HS6ST3: variants seen among roughly 807,000 people sequenced by gnomAD.
HS6ST3 encodes heparan sulfate 6-O-sulfotransferase 3.
In HS6ST3, 12 loss-of-function variants were observed where a neutral mutation model predicts 36.7. The observed-to-expected ratio is 0.33, with a 90% CI of 0.21 to 0.53. The LOEUF (loss-of-function observed/expected upper bound fraction) is 0.53, where lower values mean the gene tolerates loss of function less well. Among genes scored for constraint, HS6ST3 ranks in the 20% least tolerant of loss-of-function variants. HS6ST3 has a pLI of 0.95. For missense variants in HS6ST3, 584 were observed against 640.9 expected (o/e 0.91, Z 0.96); for synonymous variants, 240 against 257.5 (o/e 0.93, Z 0.65).
intron 1 of HS6ST3, among the ~76,000 whole-genome samples, chr13:96,219,944 A>C: frequency 6.6e-6 from 1 of 152,154 alleles, no homozygotes; most frequent in Non-Finnish European, 1.5e-5. Flanking sequence ...GGCCTCCCAA[A>C]GTGTTGGGAT....
chr13:96,677,832 G>T (rs2056704400), intron 1 of HS6ST3, among the ~76,000 whole-genome samples: 1 of 152,168 alleles, frequency 6.6e-6, no homozygotes, highest in East Asian at 1.9e-4. Context: ...AGCGAATATT[G>T]TACTTGGCTA....
chr13:96,749,276 G>T (rs929794368), intron 1 of HS6ST3, among the ~76,000 whole-genome samples: 1 of 151,950 alleles, frequency 6.6e-6, no homozygotes, highest in Non-Finnish European at 1.5e-5. Context: ...GATAAGTCAA[G>T]ATATTTTTCA....
intron 1 of HS6ST3, among the ~76,000 whole-genome samples, chr13:96,532,870 A>G (rs990205844): frequency 6.6e-6 from 1 of 152,156 alleles, no homozygotes; most frequent in African/African-American, 2.4e-5. Context: ...TACTTAAACC[A>G]CTGATGGAAC....
At chr13:96,565,571 T>A (rs910540448) in intron 1 of HS6ST3, among the ~76,000 whole-genome samples, 3 of 152,106 alleles carry the variant, frequency 2.0e-5, no homozygotes, top group Non-Finnish European at 2.9e-5. Flanking sequence ...GATGGGACAC[T>A]AAAAGGGAAT....
chr13:96,659,183 G>C (rs765573488), intron 1 of HS6ST3, among the ~76,000 whole-genome samples: 1 of 152,154 alleles, frequency 6.6e-6, no homozygotes, highest in Non-Finnish European at 1.5e-5. Context: ...CCAACAAGTG[G>C]CATTGTCAGC....
intron 1 of HS6ST3, among the ~76,000 whole-genome samples, chr13:96,431,225 A>AAACAACAACAAC: frequency 1.3e-5 from 2 of 150,434 alleles, no homozygotes; most frequent in African/African-American, 4.9e-5. Context: ...ACAAACAAAC[A>AAACAACAACAAC]AACAACAACA....
chr13:96,633,239 A>C (rs79910993), intron 1 of HS6ST3, among the ~76,000 whole-genome samples: 1 of 152,216 alleles, frequency 6.6e-6, no homozygotes, highest in Non-Finnish European at 1.5e-5. Flanking sequence ...TGCATAAAAC[A>C]CAATGGGGAA....
chr13:96,103,185 C>G (rs911618039), intron 1 of HS6ST3, among the ~76,000 whole-genome samples: 2 of 152,056 alleles, frequency 1.3e-5, no homozygotes, highest in African/African-American at 4.8e-5. Flanking sequence ...AAATCTGAGA[C>G]CTTTTTAAAA....
chr13:96,576,806 T>C (rs1278523411), intron 1 of HS6ST3, among the ~76,000 whole-genome samples: 1 of 151,808 alleles, frequency 6.6e-6, no homozygotes, highest in Non-Finnish European at 1.5e-5. Flanking sequence ...TAGCCAGGCA[T>C]GGTGACATGC....
intron 1 of HS6ST3, among the ~76,000 whole-genome samples, chr13:96,676,063 C>A (rs751486083): frequency 1.3e-5 from 2 of 152,156 alleles, no homozygotes; most frequent in Non-Finnish European, 2.9e-5. Flanking sequence ...CAGCCCAGAA[C>A]TGCTTCTTGG....
At chr13:96,788,077 A>G (rs1877695550) in intron 1 of HS6ST3, among the ~76,000 whole-genome samples, 1 of 151,760 alleles carries the variant, frequency 6.6e-6, no homozygotes, top group Admixed American at 6.6e-5. Flanking sequence ...GTGCAGATCT[A>G]TTTCTGGGTT....
At chr13:96,460,194 C>T (rs566955272) in intron 1 of HS6ST3, among the ~76,000 whole-genome samples, 1 of 152,120 alleles carries the variant, frequency 6.6e-6, no homozygotes, top group Non-Finnish European at 1.5e-5. Context: ...TTTCTAACCC[C>T]ACTACTGTGC....
intron 1 of HS6ST3, among the ~76,000 whole-genome samples, chr13:96,150,273 A>G (rs2054078584): frequency 6.6e-6 from 1 of 152,118 alleles, no homozygotes; most frequent in South Asian, 2.1e-4. Context: ...TAATTGGTCC[A>G]TGGGTGGTCT....
At chr13:96,105,718 A>C (rs2053838538) in intron 1 of HS6ST3, among the ~76,000 whole-genome samples, 1 of 152,200 alleles carries the variant, frequency 6.6e-6, no homozygotes, top group South Asian at 2.1e-4. Context: ...AGATATAATA[A>C]TGTTTAATTT....
intron 1 of HS6ST3, among the ~76,000 whole-genome samples, chr13:96,114,358 C>T (rs1292398323): frequency 6.6e-6 from 1 of 152,056 alleles, no homozygotes; most frequent in African/African-American, 2.4e-5. Context: ...CTGTGTTGCC[C>T]AGGATGGTCT....
At chr13:96,658,859 C>T (rs146208373) in intron 1 of HS6ST3, among the ~76,000 whole-genome samples, 1 of 152,120 alleles carries the variant, frequency 6.6e-6, no homozygotes, top group Non-Finnish European at 1.5e-5. Context: ...GCATGCACCA[C>T]CACACCCAGC....
rs535986498 is a variant in HS6ST3 at position 96,224,008 on chromosome 13, C to T, written c.707+132439C>T. Among the ~76,000 whole-genome samples the T allele has an allele frequency of 2.0e-5, 3 of 152,000 alleles. No individual in the cohort carries two copies. In the East Asian group the frequency reaches 5.8e-4, roughly 30 times the overall value. ...CCTTTCCCTCCCTTCCCCTTTCCTC[C>T]TCTTCTCTCCTCTCCTTTTGCACAG... is the stretch of plus-strand genomic sequence containing the variant. On this transcript the variant is annotated intron_variant, in intron 1 of 1. Coordinates refer to ENST00000376705, the MANE Select transcript of HS6ST3 (RefSeq NM_153456.4).
intron 1 of HS6ST3, among the ~76,000 whole-genome samples, chr13:96,097,543 A>T (rs182695439): frequency 2.7e-4 from 41 of 152,268 alleles, no homozygotes; most frequent in African/African-American, 9.6e-4. Flanking sequence ...AGTTCGTTAG[A>T]TTGTGGATAT....
In HS6ST3 at chr13:96,295,659, C is replaced by G. The variant is rs188151098; in HGVS notation, c.707+204090C>G. 8.5e-5 allele frequency among the ~76,000 whole-genome samples: 13 copies of G among 152,196 alleles called. No homozygotes were observed. In the East Asian group the frequency reaches 1.5e-3, roughly 18 times the overall value. Reference sequence around the variant, plus strand: ...ATGCTCCCGTGTGTCTTATTAAAAGCCTGCCAGGCTTTATTGAACACTGTG... The same window carrying G: ...ATGCTCCCGTGTGTCTTATTAAAAGGCTGCCAGGCTTTATTGAACACTGTG... On this transcript the variant is annotated intron_variant, in intron 1 of 1. Transcript: ENST00000376705.
Sources: allele counts gnomAD v4.1 joint callset (sites outside exome capture counted in the v4.1 genomes callset), GRCh38; gene constraint gnomAD v4.1.1; transcripts MANE v1.5; gene names NCBI Gene and HGNC (gene_info 2026-07-23, HGNC 2026-07-21).